Variants in SRBD1 observed in about 807,000 individuals in gnomAD.
SRBD1 encodes the protein S1 RNA-binding domain-containing protein 1.
In SRBD1, 88 loss-of-function variants were observed where a neutral mutation model predicts 115.3. That is an observed-to-expected ratio of 0.76 (90% CI 0.64 to 0.91). The LOEUF is 0.91. SRBD1 is among the 40% of genes least tolerant of loss of function. The pLI, the probability that SRBD1 is intolerant of heterozygous loss-of-function variation, is 0.00. For synonymous variants in SRBD1, 509 were observed against 407.7 expected, an observed-to-expected ratio of 1.25 and a Z score of -2.99; for missense variants, 1,385 against 1,177.4, an observed-to-expected ratio of 1.18 and a Z score of -2.58.
intron 19 of SRBD1, among the ~76,000 whole-genome samples, chr2:45,402,666 T>C (rs1045421190): frequency 9.9e-5 from 15 of 152,194 alleles, no homozygotes; most frequent in African/African-American, 3.6e-4. Flanking sequence ...AGTGACAGTC[T>C]TGACAATAAA....
intron 14 of SRBD1, among the ~76,000 whole-genome samples, chr2:45,533,165 A>G (rs1671666066): frequency 6.6e-6 from 1 of 152,082 alleles, no homozygotes; most frequent in Non-Finnish European, 1.5e-5. Flanking sequence ...TAAAGTAAAA[A>G]TGGTTCCAGT....
intron 16 of SRBD1, among the ~76,000 whole-genome samples, chr2:45,461,918 C>T (rs1041488892): frequency 5.9e-5 from 9 of 152,156 alleles, no homozygotes; most frequent in Non-Finnish European, 1.3e-4. Flanking sequence ...AATGCCCTAA[C>T]GTGTCGATCC....
chr2:45,460,409 G>A (rs577186347), intron 16 of SRBD1, among the ~76,000 whole-genome samples: 1 of 152,226 alleles, frequency 6.6e-6, no homozygotes, highest in East Asian at 1.9e-4. Context: ...AGGAACTAGG[G>A]AACAAACCAC....
intron 16 of SRBD1, among the ~76,000 whole-genome samples, chr2:45,443,990 G>C (rs1044828170): frequency 7.2e-5 from 11 of 152,108 alleles, no homozygotes; most frequent in African/African-American, 2.7e-4. Flanking sequence ...ATCTGGTGCA[G>C]CTGTTTTTTA....
At chr2:45,537,204 T>C (rs1572747695) in intron 14 of SRBD1, among the ~76,000 whole-genome samples, 1 of 152,152 alleles carries the variant, frequency 6.6e-6, no homozygotes, top group South Asian at 2.1e-4. Context: ...CACAAATTCA[T>C]CACACTTTAC....
intron 15 of SRBD1, among the ~76,000 whole-genome samples, chr2:45,480,266 G>C (rs1044363771): frequency 2.2e-4 from 33 of 152,134 alleles, no homozygotes; most frequent in Admixed American, 1.3e-4. Flanking sequence ...AATGCATTTT[G>C]TAAGGCTATA....
chr2:45,396,351 G>A (rs1053308419), intron 19 of SRBD1, among the ~76,000 whole-genome samples: 2 of 152,108 alleles, frequency 1.3e-5, no homozygotes, highest in African/African-American at 4.8e-5. Flanking sequence ...GAGGAAACCT[G>A]CAAAGAAATT....
chr2:45,438,367 G>A (rs1668563906), intron 16 of SRBD1, among the ~76,000 whole-genome samples: 1 of 152,118 alleles, frequency 6.6e-6, no homozygotes. Flanking sequence ...CAAAAATGCA[G>A]GCACATGTGA....
At chr2:45,522,730 TCCACTCA>T in intron 14 of SRBD1, among the ~76,000 whole-genome samples, 1 of 152,290 alleles carries the variant, frequency 6.6e-6, no homozygotes, top group East Asian at 1.9e-4. Context: ...ATGATCCACT[TCCACTCA>T]ATCAATAATA....
At chr2:45,432,811 A>C (rs1414020948) in intron 16 of SRBD1, among the ~76,000 whole-genome samples, 4 of 152,200 alleles carry the variant, frequency 2.6e-5, no homozygotes, top group Non-Finnish European at 5.9e-5. Context: ...GATTTTTACA[A>C]AGGAATATAA....
At chr2:45,532,612 G>A (rs1361303567) in intron 14 of SRBD1, among the ~76,000 whole-genome samples, 1 of 151,708 alleles carries the variant, frequency 6.6e-6, no homozygotes, top group East Asian at 1.9e-4. Context: ...TTATCATAAT[G>A]TGAACCCAAA....
intron 14 of SRBD1, among the ~76,000 whole-genome samples, chr2:45,525,104 G>C (rs1309256984): frequency 2.0e-5 from 3 of 151,838 alleles, no homozygotes; most frequent in Non-Finnish European, 4.4e-5. Context: ...AAATGAATTT[G>C]AACCCTTACT....
In SRBD1 at chr2:45,449,593, TA is replaced by T. The variant is rs530917395; in HGVS notation, c.2049+27399del. The stretch of plus-strand genomic sequence containing the variant: ...CTGTATGATAACAAGGGTGTGATAC[TA>T]AAATCCAGGAATAATATTAGGACTA... On this transcript the variant is annotated intron_variant, in intron 16 of 20. Transcript: ENST00000263736. 1.7e-4 allele frequency among the ~76,000 whole-genome samples: 26 copies of T among 152,320 alleles called. 2 individuals are homozygous for T. In the South Asian group the frequency reaches 5.4e-3, roughly 32 times the overall value.
intron 14 of SRBD1, among the ~76,000 whole-genome samples, chr2:45,499,512 A>T (rs1360822265): frequency 6.6e-6 from 1 of 151,920 alleles, no homozygotes; most frequent in Non-Finnish European, 1.5e-5. Context: ...ATGTAATCCC[A>T]TTTGTCTATT....
At chr2:45,490,367 T>C (rs1159503968) in intron 14 of SRBD1, among the ~76,000 whole-genome samples, 1 of 152,110 alleles carries the variant, frequency 6.6e-6, no homozygotes, top group Non-Finnish European at 1.5e-5. Flanking sequence ...GGTTCTAGCA[T>C]TCATTGATTA....
chr2:45,402,766 C>A (rs570135328), intron 19 of SRBD1, among the ~76,000 whole-genome samples: 2 of 152,124 alleles, frequency 1.3e-5, no homozygotes, highest in Admixed American at 1.3e-4. Context: ...ACAGCAGATT[C>A]TCTGGGAGAG....
chr2:45,579,597 G>C (rs1054606545), intron 7 of SRBD1, among the ~76,000 whole-genome samples: 2 of 151,746 alleles, frequency 1.3e-5, no homozygotes, highest in African/African-American at 2.4e-5. Context: ...AAAAAGATTT[G>C]CAACACATAT....
At chr2:45,551,962 C>T (rs1383977049) in intron 11 of SRBD1, among the ~76,000 whole-genome samples, 1 of 151,934 alleles carries the variant, frequency 6.6e-6, no homozygotes. Flanking sequence ...GTAATCCAGA[C>T]AAAAAATGAT....
chr2:45,448,697 C>G (rs1348728000), intron 16 of SRBD1, among the ~76,000 whole-genome samples: 1 of 152,176 alleles, frequency 6.6e-6, no homozygotes, highest in African/African-American at 2.4e-5. Flanking sequence ...TTTTTCACCT[C>G]TTGAACTAGG....
Sources: allele counts gnomAD v4.1 joint callset (sites outside exome capture counted in the v4.1 genomes callset), GRCh38; gene constraint gnomAD v4.1.1; transcripts MANE v1.5; gene names NCBI Gene and HGNC (gene_info 2026-07-23, HGNC 2026-07-21).